Variants in EVI5 observed in about 807,000 individuals in gnomAD.
The protein encoded by EVI5 is ecotropic viral integration site 5 protein homolog.
EVI5 carries 73 observed loss-of-function variants against 112.0 expected under a neutral mutation model. That is an observed-to-expected ratio of 0.65 (90% CI 0.54 to 0.79). The LOEUF (loss-of-function observed/expected upper bound fraction) is 0.79. Among genes scored for constraint, EVI5 ranks in the 30% least tolerant of loss-of-function variants. The pLI is 0.00. For missense variants in EVI5, 900 were observed against 968.8 expected, an observed-to-expected ratio of 0.93 and a Z score of 0.94; for synonymous variants, 305 against 319.9, an observed-to-expected ratio of 0.95 and a Z score of 0.50.
At chr1:92,626,425 T>A (rs1367206209) in intron 14 of EVI5, among the ~76,000 whole-genome samples, 1 of 152,198 alleles carries the variant, frequency 6.6e-6, no homozygotes, top group East Asian at 1.9e-4. Flanking sequence ...TATTTATTCA[T>A]CAGTTAATAG....
intron 16 of EVI5, among the ~76,000 whole-genome samples, chr1:92,617,772 A>G (rs1023740831): frequency 6.6e-6 from 1 of 152,204 alleles, no homozygotes; most frequent in African/African-American, 2.4e-5. Flanking sequence ...CTTTTCCATC[A>G]TGGAAAGGGC....
chr1:92,764,455 A>G (rs1682320525), intron 1 of EVI5, among the ~76,000 whole-genome samples: 1 of 152,254 alleles, frequency 6.6e-6, no homozygotes, highest in Non-Finnish European at 1.5e-5. Context: ...ACTCTGAGAC[A>G]GAACACTTAA....
chr1:92,690,381 C>T (rs191469761), intron 9 of EVI5, among the ~76,000 whole-genome samples: 115 of 148,986 alleles, frequency 7.7e-4, no homozygotes, highest in African/African-American at 2.7e-3. Context: ...CAGGGTCTCA[C>T]TCTATTGCCA....
intron 1 of EVI5, among the ~76,000 whole-genome samples, chr1:92,766,173 T>A (rs1682613573): frequency 6.7e-6 from 1 of 150,238 alleles, no homozygotes; most frequent in Admixed American, 6.6e-5. Flanking sequence ...ACTGGAAAAC[T>A]GAAATTTGAT....
At chr1:92,786,765 A>C (rs1254056868), upstream of EVI5, among the ~76,000 whole-genome samples, 1 of 151,840 alleles carries the variant, frequency 6.6e-6, no homozygotes, top group Non-Finnish European at 1.5e-5. Flanking sequence ...TCTTAGAAAA[A>C]ACCCTCCTAA....
chr1:92,662,610 T>C, intron 13 of EVI5, 109 bp downstream of exon 13: 1 of 760,416 alleles, frequency 1.3e-6, no homozygotes, highest in Non-Finnish European at 1.7e-6. Context: ...GTTCAAAGTC[T>C]AAAACAAAAT....
At chr1:92,560,022 A>C (rs1414867365) in intron 19 of EVI5, among the ~76,000 whole-genome samples, 3 of 152,208 alleles carry the variant, frequency 2.0e-5, no homozygotes, top group African/African-American at 7.2e-5. Context: ...AATAAGAAAG[A>C]CTGACAATTC....
intron 18 of EVI5, among the ~76,000 whole-genome samples, chr1:92,566,709 C>T (rs1669539112): frequency 6.6e-6 from 1 of 151,856 alleles, no homozygotes; most frequent in South Asian, 2.1e-4. Flanking sequence ...ACTATTGCCC[C>T]TGAAGATCTT....
intron 1 of EVI5, among the ~76,000 whole-genome samples, chr1:92,741,296 GC>G (rs918663358): frequency 2.0e-5 from 3 of 152,180 alleles, no homozygotes; most frequent in African/African-American, 7.2e-5. Flanking sequence ...CCAAAGGTTG[GC>G]AATGGATGTG....
At chr1:92,663,573 T>G (rs1388104289) in intron 11 of EVI5, 121 bp from the exon 12 acceptor site, 1 of 437,796 alleles carries the variant, frequency 2.3e-6, no homozygotes, top group Non-Finnish European at 4.0e-6. Context: ...AAAATGGACA[T>G]TTAAAGTTTA....
intron 2 of EVI5, among the ~76,000 whole-genome samples, chr1:92,716,023 TG>T (rs1295338048): frequency 6.6e-6 from 1 of 152,112 alleles, no homozygotes; most frequent in Non-Finnish European, 1.5e-5. Context: ...ACTCCACCTC[TG>T]GGGGGCAAGG....
At chr1:92,557,639 T>A (rs778730520) in intron 19 of EVI5, among the ~76,000 whole-genome samples, 1 of 152,134 alleles carries the variant, frequency 6.6e-6, no homozygotes, top group Non-Finnish European at 1.5e-5. Context: ...CAGTCAGTAG[T>A]ATTTAGAGAT....
chr1:92,778,378 T>A (rs1684428899), intron 1 of EVI5, among the ~76,000 whole-genome samples: 2 of 152,192 alleles, frequency 1.3e-5, no homozygotes, highest in Admixed American at 1.3e-4. Flanking sequence ...TCCAAGCTGC[T>A]GAGTGGCCCC....
At chr1:92,614,769 C>CATATATAT (rs56763837) in intron 16 of EVI5, among the ~76,000 whole-genome samples, 2 of 145,078 alleles carry the variant, frequency 1.4e-5, no homozygotes, top group African/African-American at 5.2e-5. Context: ...TTAATAAACT[C>CATATATAT]ATATATATAT....
At chr1:92,612,740 A>C (rs1652158195) in intron 16 of EVI5, among the ~76,000 whole-genome samples, 1 of 151,318 alleles carries the variant, frequency 6.6e-6, no homozygotes. Context: ...AAAAAAAAAA[A>C]AGCCAGCCAA....
At chr1:92,577,600 C>A (rs1671279799) in intron 18 of EVI5, among the ~76,000 whole-genome samples, 1 of 152,198 alleles carries the variant, frequency 6.6e-6, no homozygotes, top group Admixed American at 6.5e-5. Context: ...AGCCTTTCAG[C>A]CTGTTCTATC....
At chr1:92,515,509 T>C (rs1272798342) in intron 19 of EVI5, among the ~76,000 whole-genome samples, 2 of 152,178 alleles carry the variant, frequency 1.3e-5, no homozygotes, top group Non-Finnish European at 2.9e-5. Flanking sequence ...TCATGCACCA[T>C]GAATTTTCTC....
chr1:92,557,407 C>T (rs1667842474), intron 19 of EVI5, among the ~76,000 whole-genome samples: 1 of 151,998 alleles, frequency 6.6e-6, no homozygotes, highest in Non-Finnish European at 1.5e-5. Context: ...CTTCAGCTTC[C>T]TGAGTAGCTG....
At chr1:92,576,879 C>G (rs571907238) in intron 18 of EVI5, among the ~76,000 whole-genome samples, 1 of 152,242 alleles carries the variant, frequency 6.6e-6, no homozygotes, top group South Asian at 2.1e-4. Flanking sequence ...CAATGATAAC[C>G]ACTGGAATAT....
Sources: gnomAD v4.1 joint callset for allele counts (sites outside exome capture counted in the v4.1 genomes callset) on GRCh38, gnomAD v4.1.1 for gene constraint, MANE v1.5 for transcripts, NCBI Gene and HGNC (gene_info 2026-07-23, HGNC 2026-07-21) for gene names.